The following CDKL5 variants were observed in gnomAD, a reference collection of about 807,000 sequenced individuals.
CDKL5 encodes cyclin-dependent kinase-like 5.
In CDKL5, 8 loss-of-function variants were observed where a neutral mutation model predicts 61.7. That is an observed-to-expected ratio of 0.13 (90% CI 0.08 to 0.23). The LOEUF is 0.23. CDKL5 is among the 10% of genes least tolerant of loss of function. The pLI is 1.00. For synonymous variants in CDKL5, 275 were observed against 272.3 expected, an observed-to-expected ratio of 1.01 and a Z score of -0.10; for missense variants, 440 against 734.5, an observed-to-expected ratio of 0.60 and a Z score of 4.63.
Position 18,632,325 on chromosome X carries a change from G to A in CDKL5, c.*3568G>A. ...GACCAGAGTTACTTTATAGGTGTTG[G>A]AGAACTTAAATTCTAGGTTAGCATC... is the stretch of plus-strand genomic sequence containing the variant. On this transcript the variant is annotated 3_prime_UTR_variant, in exon 18 of 18. Transcript: ENST00000623535. 1 of 752,907 alleles carries A rather than the reference G, an allele frequency of 1.3e-6. No homozygotes were observed. The highest frequency in any genetic ancestry group is 1.6e-6 in the Non-Finnish European group (1 of 638,074). 62.0% of individuals were successfully genotyped at this position (752,907 alleles called of 1,213,427 possible). A position where few individuals can be genotyped will look rare whatever the true frequency, so the allele number is the denominator to read the frequency against.
intron 3 of CDKL5, among the ~76,000 whole-genome samples, chrX:18,527,337 G>A (rs892411326): frequency 8.9e-6 from 1 of 111,797 alleles, no homozygotes; most frequent in African/African-American, 3.2e-5. Flanking sequence ...TTAAATGTTT[G>A]CTAGAATTCA....
At chrX:18,455,545 T>A (rs768933125) in intron 1 of CDKL5, among the ~76,000 whole-genome samples, 13 of 112,623 alleles carry the variant, frequency 1.2e-4, no homozygotes, top group Non-Finnish European at 2.1e-4. Context: ...CCAGAGGTAA[T>A]GAGGAGTTTG....
rs911879541 is a variant in CDKL5 at position 18,584,372 on chromosome X, A to G, written c.554+19A>G. 4.0e-6 allele frequency: 4 copies of G among 1,004,124 alleles called. No individual in the cohort carries two copies. The highest frequency in any genetic ancestry group is 3.8e-5 in the African/African-American group (2 of 53,224). The allele number at this position is 1,004,124 out of a possible 1,213,427, so 82.8% of individuals were successfully genotyped here. ...TACTTGGGTGAGTTACCGTCCCAAA[A>G]TAGAATGACATTTCCACATCTGCTG... is the stretch of plus-strand genomic sequence containing the variant. On this transcript the variant is annotated intron_variant, in intron 8 of 17. Coordinates refer to ENST00000623535, the MANE Select transcript of CDKL5 (RefSeq NM_001323289.2).
rs1016726291 is a variant in CDKL5, at chrX:18,492,189, A to G, written c.-162-14746A>G. 6.5e-4 allele frequency among the ~76,000 whole-genome samples: 72 copies of G among 111,372 alleles called. 1 individual carries two copies. The highest frequency in any genetic ancestry group is 2.2e-3 in the African/African-American group (66 of 30,650). ...GGTTTTTGCTAATGTAAAAAATTGTATCTCAGTGTGGTTTTAATCTTCTAT... is the reference window on the plus strand; with the variant it reads ...GGTTTTTGCTAATGTAAAAAATTGTGTCTCAGTGTGGTTTTAATCTTCTAT... On this transcript the variant is annotated intron_variant, in intron 1 of 17. Coordinates refer to ENST00000623535, the MANE Select transcript of CDKL5 (RefSeq NM_001323289.2).
chrX:18,606,129 C>T (rs1479926583), intron 12 of CDKL5, among the ~76,000 whole-genome samples: 1 of 109,582 alleles, frequency 9.1e-6, no homozygotes, highest in African/African-American at 3.3e-5. Flanking sequence ...TGCAGTGAGC[C>T]GAGATCGTGC....
intron 3 of CDKL5, among the ~76,000 whole-genome samples, chrX:18,549,359 G>A (rs1924306854): frequency 8.9e-6 from 1 of 112,388 alleles, no homozygotes; most frequent in Non-Finnish European, 1.9e-5. Flanking sequence ...TCTCTAGCAA[G>A]CTCTGTCACT....
At chrX:18,628,217 A>G (rs1927127054) in intron 17 of CDKL5, among the ~76,000 whole-genome samples, 154 bp from the exon 18 acceptor site, 1 of 110,582 alleles carries the variant, frequency 9.0e-6, no homozygotes, top group Non-Finnish European at 1.9e-5. Context: ...GTTTGAAAAA[A>G]CCCGAAGAAC....
chrX:18,579,775 C>G lies in CDKL5; in HGVS notation c.283-73C>G, dbSNP rs1925415035. On this transcript the variant is annotated intron_variant, in intron 5 of 17. Transcript: ENST00000623535. ...TGTATTGGATGAATTATTCTAGATG[C>G]TTTGTAAAATTGTTAATACATAATT... 6 of 1,008,069 alleles carry G rather than the reference C, an allele frequency of 6.0e-6. No homozygotes were observed. In the South Asian group the frequency reaches 7.8e-5, roughly 13 times the overall value. The allele number at this position is 1,008,069 out of a possible 1,213,427, so 83.1% of individuals were successfully genotyped here. A position where few individuals can be genotyped will look rare whatever the true frequency, so the allele number is the denominator to read the frequency against.
At chrX:18,642,896 T>A (rs1927636508), downstream of CDKL5, among the ~76,000 whole-genome samples, 1 of 110,143 alleles carries the variant, frequency 9.1e-6, no homozygotes, top group African/African-American at 3.3e-5. Flanking sequence ...ACAAAAAAAT[T>A]AGCCAGGCGC....
intron 5 of CDKL5, 112 bp downstream of exon 5, chrX:18,575,602 A>AGT (rs1410452862): frequency 3.5e-5 from 24 of 685,175 alleles, no homozygotes; most frequent in Non-Finnish European, 5.1e-5. Context: ...ATGTACTCAT[A>AGT]ATCTGAGGAC....
rs1430902537 is a variant in CDKL5 at position 18,491,103 on chromosome X, A to G, written c.-162-15832A>G. On this transcript the variant is annotated intron_variant, in intron 1 of 17. Coordinates refer to ENST00000623535, the MANE Select transcript of CDKL5 (RefSeq NM_001323289.2). ...TTTCTCTGAAATATGCTGAAAGATA[A>G]TCACTCCGTGCCTTCCCTTGTTTAG... is the stretch of plus-strand genomic sequence containing the variant. 4.5e-5 allele frequency among the ~76,000 whole-genome samples: 5 copies of G among 112,055 alleles called. No individual in the cohort carries two copies. The East Asian group carries it at 1.4e-3, about 31-fold the overall frequency.
chrX:18,521,359 CA>C (rs1173937522), intron 3 of CDKL5, among the ~76,000 whole-genome samples: 1 of 111,573 alleles, frequency 9.0e-6, no homozygotes, highest in Middle Eastern at 4.3e-3. Context: ...AGATGATGTA[CA>C]AGGTTTTTAA....
chrX:18,509,197 G>GCACGCACA (rs1204561636), intron 2 of CDKL5, among the ~76,000 whole-genome samples: 10 of 64,308 alleles, frequency 1.6e-4, no homozygotes, highest in South Asian at 2.2e-3. Flanking sequence ...CTCAAAACAC[G>GCACGCACA]CACACACACA....
rs753792037 is a variant in CDKL5 at position 18,628,710 on chromosome X, C to G, written c.2836C>G (p.Arg946Gly). The part of the protein sequence containing the change: ...PNGHPYNRTN[R>G]SRMPNLNDLK... ...TGGGCACCCCTATAACAGAACAAAT[C>G]GCTCACGAATGCCAAATCTGAATGA... Residue 946 changes from arginine (R) to glycine (G), a missense_variant, in exon 18 of 18, where the codon CGC becomes GGC. Transcript: ENST00000623535. 2 of 1,171,863 alleles carry G rather than the reference C, an allele frequency of 1.7e-6. No individual in the cohort carries two copies. The highest frequency in any genetic ancestry group is 3.2e-5 in the East Asian group (1 of 31,558).
chrX:18,429,143 A>G (rs1931428249), intron 1 of CDKL5, among the ~76,000 whole-genome samples: 1 of 111,575 alleles, frequency 9.0e-6, no homozygotes. Context: ...AGCTGAGGGT[A>G]AGGACCTTCT....
chrX:18,604,863 C>A lies in CDKL5; in HGVS notation c.1939C>A (p.Pro647Thr), dbSNP rs1430054128. 1.7e-6 allele frequency: 2 copies of A among 1,209,530 alleles called. No homozygotes were observed. The highest frequency in any genetic ancestry group is 5.9e-5 in the East Asian group (2 of 33,762). The change falls in exon 12 of 18, where the codon CCC becomes ACC. Residue 647 changes from proline to threonine, a missense_variant. Pro to Thr is a conservative substitution (Grantham distance 38). Around this residue, in one of 2 missense-constraint regions of CDKL5, gnomAD observed 363 missense variants for 516.3 expected, o/e 0.70. Coordinates refer to ENST00000623535, the MANE Select transcript of CDKL5 (RefSeq NM_001323289.2). ...ARANSLQLLS[P>T]QPGEQLPPEM... is the part of the protein sequence containing the mutation. ...AGCCAACAGCCTGCAACTCTTGTCA[C>A]CCCAGGTACAGTTGAGCACCTTGAC...
In CDKL5 at chrX:18,647,322, AT is replaced by A. The variant is rs62645893; in HGVS notation, c.2797+1233del. On this transcript the variant is annotated intron_variant, in intron 20 of 21. Transcript: ENST00000379989. ...CTGACTCGAAACCCAGAGGCTTGTG[AT>A]ATGGGCATTCTGGGAAAGGAAAAAG... The A allele has an allele frequency of 8.3e-7, 1 of 1,210,797 alleles. No homozygotes were observed. The highest frequency in any genetic ancestry group is 1.1e-6 in the Non-Finnish European group (1 of 895,078).
In CDKL5 at chrX:18,520,478, C is replaced by G. The variant is rs773803296; in HGVS notation, c.99+9624C>G. ...TATGAATATACCTCATCGTGTTTAT[C>G]TTTTCATCAGTCATGGACATTTGAG... On this transcript the variant is annotated intron_variant, in intron 3 of 17. Transcript: ENST00000623535. 1.9e-4 allele frequency among the ~76,000 whole-genome samples: 21 copies of G among 111,985 alleles called. 2 individuals carry two copies. The South Asian group carries it at 7.8e-3, about 42-fold the overall frequency.
chrX:18,456,867 C>T (rs764555578), intron 1 of CDKL5, among the ~76,000 whole-genome samples: 1 of 111,110 alleles, frequency 9.0e-6, no homozygotes, highest in South Asian at 3.8e-4. Context: ...CTTTCTTGCC[C>T]TTGGTGTAAT....
Sources: allele counts gnomAD v4.1 joint callset (sites outside exome capture counted in the v4.1 genomes callset), GRCh38; gene constraint gnomAD v4.1.1; regional missense constraint gnomAD v4.1.1; transcripts MANE v1.5; gene names NCBI Gene and HGNC (gene_info 2026-07-23, HGNC 2026-07-21).